The following WWOX variants were observed in gnomAD, a reference collection of about 807,000 sequenced individuals.
WWOX encodes the protein WW domain-containing oxidoreductase.
A neutral mutation model predicts 46.2 loss-of-function variants in WWOX; 69 were observed. That is an observed-to-expected ratio of 1.49 (90% confidence interval 1.23 to 1.82). The LOEUF (loss-of-function observed/expected upper bound fraction) is 1.82, where lower values mean the gene tolerates loss of function less well. Ranked by LOEUF, WWOX falls within the 40% of genes most tolerant of loss-of-function variation. The pLI is 0.00. For missense variants in WWOX, 919 were observed against 542.6 expected (o/e 1.69, Z -6.89); for synonymous variants, 359 against 202.6 (o/e 1.77, Z -6.56).
At chr16:78,145,303 C>A (rs1370284395) in intron 4 of WWOX, among the ~76,000 whole-genome samples, 1 of 152,110 alleles carries the variant, frequency 6.6e-6, no homozygotes, top group East Asian at 1.9e-4. Context: ...GACAAGGAAG[C>A]CAGTTTGAGT....
chr16:78,456,981 G>C (rs1325312360), intron 8 of WWOX, among the ~76,000 whole-genome samples: 2 of 152,226 alleles, frequency 1.3e-5, no homozygotes, highest in East Asian at 3.9e-4. Context: ...TGGGCTGGCA[G>C]CATTTTTGCT....
chr16:78,914,155 C>T (rs989314044), intron 8 of WWOX, among the ~76,000 whole-genome samples: 2 of 152,080 alleles, frequency 1.3e-5, no homozygotes, highest in African/African-American at 4.8e-5. Flanking sequence ...TCACTACTCA[C>T]AATTTCTCTA....
At chr16:78,392,049 C>T (rs763668158) in intron 6 of WWOX, among the ~76,000 whole-genome samples, 21 of 150,522 alleles carry the variant, frequency 1.4e-4, no homozygotes, top group Non-Finnish European at 2.5e-4. Flanking sequence ...TTTAAGGGAC[C>T]AGGGTGTTCT....
chr16:78,416,240 G>A (rs765357184), intron 6 of WWOX, among the ~76,000 whole-genome samples: 2 of 152,118 alleles, frequency 1.3e-5, no homozygotes, highest in African/African-American at 2.4e-5. Context: ...CATCATCTCA[G>A]AGCCTTTTGA....
chr16:78,681,488 C>T (rs1439846062), intron 8 of WWOX, among the ~76,000 whole-genome samples: 1 of 151,530 alleles, frequency 6.6e-6, no homozygotes, highest in East Asian at 1.9e-4. Flanking sequence ...GAATCAGAGC[C>T]CTTTTAATTA....
chr16:78,875,482 C>G (rs931286404), intron 8 of WWOX, among the ~76,000 whole-genome samples: 2 of 152,172 alleles, frequency 1.3e-5, no homozygotes, highest in Non-Finnish European at 2.9e-5. Context: ...TGACAGTCCA[C>G]TTCATTAAGT....
chr16:78,490,439 G>C (rs985713219), intron 8 of WWOX, among the ~76,000 whole-genome samples: 4 of 152,106 alleles, frequency 2.6e-5, no homozygotes, highest in Admixed American at 2.0e-4. Context: ...GCTCGTAATT[G>C]GTGAAATTCT....
intron 8 of WWOX, among the ~76,000 whole-genome samples, chr16:79,126,646 A>G (rs1019438032): frequency 2.0e-4 from 30 of 152,172 alleles, no homozygotes; most frequent in African/African-American, 6.8e-4. Flanking sequence ...AGTCTCAGGT[A>G]TTTCTGTGTA....
At chr16:79,111,412 G>T (rs891075752) in intron 8 of WWOX, among the ~76,000 whole-genome samples, 3 of 152,138 alleles carry the variant, frequency 2.0e-5, no homozygotes, top group Admixed American at 6.5e-5. Context: ...TTGCCTAATC[G>T]TTTACTGGTT....
Position 78,343,526 on chromosome 16 carries a change from G to C in WWOX, c.517-43334G>C, listed in dbSNP as rs2081049631. Among the ~76,000 whole-genome samples, 2 of 121,030 alleles carry C rather than the reference G, an allele frequency of 1.7e-5. 1 individual carries two copies. Among genetic ancestry groups the C allele is most frequent in the Admixed American group, 1.6e-4 (2 of 12,386 alleles). The allele number at this position is 121,030 out of a possible 152,430, so 79.4% of individuals were successfully genotyped here. On this transcript the variant is annotated intron_variant, in intron 5 of 8. Coordinates refer to ENST00000566780, the MANE Select transcript of WWOX (RefSeq NM_016373.4). ...GTGATGCTCTGAGCTGGGTCTTAAA[G>C]CTTCTGGGCACAGCCCCCCTTGAGT...
At chr16:78,457,393 C>T (rs2083844892) in intron 8 of WWOX, among the ~76,000 whole-genome samples, 1 of 152,216 alleles carries the variant, frequency 6.6e-6, no homozygotes, top group Non-Finnish European at 1.5e-5. Flanking sequence ...AGATAGAGAG[C>T]TGCACCAACC....
At chr16:78,877,223 T>G (rs569069264) in intron 8 of WWOX, among the ~76,000 whole-genome samples, 2 of 152,128 alleles carry the variant, frequency 1.3e-5, no homozygotes, top group African/African-American at 4.8e-5. Context: ...TCAGGCTGAT[T>G]AAAAGGCAAA....
intron 8 of WWOX, among the ~76,000 whole-genome samples, chr16:78,762,268 T>C (rs1266397003): frequency 6.6e-6 from 1 of 152,182 alleles, no homozygotes; most frequent in Non-Finnish European, 1.5e-5. Context: ...ACCCTCTTGG[T>C]ACTCAAAGCT....
chr16:79,025,759 T>G lies in WWOX; in HGVS notation c.1057-185849T>G, dbSNP rs536727623. Among the ~76,000 whole-genome samples, 191 of 150,778 alleles carry G rather than the reference T, an allele frequency of 1.3e-3. 1 individual carries two copies. Among genetic ancestry groups the G allele is most frequent in the Non-Finnish European group, 2.1e-3 (141 of 67,740 alleles). On this transcript the variant is annotated intron_variant, in intron 8 of 8. Transcript: ENST00000566780. ...GCCTTTCTGATAATCCTTTCATCCT[T>G]CATCTCCCCTGTTGCCGTTTTCTTT...
chr16:78,280,859 C>T (rs1186162706), intron 5 of WWOX: 1 of 152,572 alleles, frequency 6.6e-6, no homozygotes, highest in Non-Finnish European at 1.5e-5. Flanking sequence ...TCAGAATCAT[C>T]TGAATCATCA....
chr16:78,240,351 G>A (rs1184008174), intron 5 of WWOX, among the ~76,000 whole-genome samples: 4 of 152,052 alleles, frequency 2.6e-5, no homozygotes, highest in Non-Finnish European at 5.9e-5. Context: ...AACAGAAAAA[G>A]GAGGAGAGGA....
At chr16:78,333,787 G>T (rs1467808931) in intron 5 of WWOX, among the ~76,000 whole-genome samples, 1 of 152,074 alleles carries the variant, frequency 6.6e-6, no homozygotes, top group African/African-American at 2.4e-5. Flanking sequence ...GGCTTATTTG[G>T]CGTTTTGTTT....
chr16:78,570,861 G>T (rs2044699474), intron 8 of WWOX, among the ~76,000 whole-genome samples: 1 of 152,174 alleles, frequency 6.6e-6, no homozygotes, highest in Non-Finnish European at 1.5e-5. Context: ...GCTTTGGAAA[G>T]CACGGGCAGG....
chr16:79,151,463 G>A (rs888276406), intron 8 of WWOX, among the ~76,000 whole-genome samples: 67 of 152,234 alleles, frequency 4.4e-4, no homozygotes, highest in African/African-American at 1.5e-3. Flanking sequence ...TGCATTGGCA[G>A]GAGGTGGCAG....
Sources: gnomAD v4.1 joint callset for allele counts (sites outside exome capture counted in the v4.1 genomes callset) on GRCh38, gnomAD v4.1.1 for gene constraint, MANE v1.5 for transcripts, NCBI Gene and HGNC (gene_info 2026-07-23, HGNC 2026-07-21) for gene names.